CSMD2: variants seen among roughly 807,000 people sequenced by gnomAD.
CSMD2 encodes CUB and sushi domain-containing protein 2.
A neutral mutation model predicts 398.5 loss-of-function variants in CSMD2; 130 were observed. The observed-to-expected ratio is 0.33, with a 90% CI of 0.28 to 0.38. The LOEUF is 0.38. Ranked by LOEUF, CSMD2 falls within the 10% of genes least tolerant of loss-of-function variation. The probability of loss-of-function intolerance (pLI) is 1.00; values close to 1 mark genes in which losing one functional copy is unlikely to be tolerated. For synonymous variants in CSMD2, 1,828 were observed against 1,908.5 expected (o/e 0.96, Z 1.10); for missense variants, 3,829 against 4,764.9 (o/e 0.80, Z 5.78).
chr1:34,033,338 T>C (rs1478782742), intron 2 of CSMD2, among the ~76,000 whole-genome samples: 1 of 152,226 alleles, frequency 6.6e-6, no homozygotes, highest in African/African-American at 2.4e-5. Flanking sequence ...AAACTGTGCG[T>C]GCTATTAAAA....
At chr1:34,017,182 G>A (rs1648247504) in intron 3 of CSMD2, among the ~76,000 whole-genome samples, 2 of 152,124 alleles carry the variant, frequency 1.3e-5, no homozygotes, top group South Asian at 4.1e-4. Context: ...TACATCACAA[G>A]GCAGCCTACT....
intron 25 of CSMD2, among the ~76,000 whole-genome samples, chr1:33,680,822 G>A (rs1306976934): frequency 6.7e-6 from 1 of 150,020 alleles, no homozygotes; most frequent in Non-Finnish European, 1.5e-5. Flanking sequence ...AACCTTTATT[G>A]TGTTAAACCA....
chr1:34,103,262 G>A (rs896013339), intron 1 of CSMD2, among the ~76,000 whole-genome samples: 3 of 148,798 alleles, frequency 2.0e-5, no homozygotes, highest in African/African-American at 5.0e-5. Context: ...TGTTTATGTG[G>A]CTGTCTCTAC....
At chr1:34,111,764 C>T (rs1002576735) in intron 1 of CSMD2, among the ~76,000 whole-genome samples, 2 of 152,108 alleles carry the variant, frequency 1.3e-5, no homozygotes, top group Non-Finnish European at 2.9e-5. Context: ...TACCACCTCA[C>T]TGGTATGAAA....
Position 33,846,992 on chromosome 1 carries a change from T to C in CSMD2, c.925A>G (p.Thr309Ala). 4 of 1,608,270 alleles carry C rather than the reference T, an allele frequency of 2.5e-6. No individual in the cohort carries two copies. The highest frequency in any genetic ancestry group is 3.4e-6 in the Non-Finnish European group (4 of 1,176,962). The change falls in exon 6 of 71, where the codon ACC becomes GCC. Residue 309 changes from threonine to alanine, a missense_variant. Coordinates refer to ENST00000373381, the MANE Select transcript of CSMD2 (RefSeq NM_001281956.2). ...TGTEGSSLWF[T>A]GASLPAPVIS... is the part of the protein sequence containing the mutation. ...ACGGGGGCTGGGAGGCTGGCTCCGG[T>C]GAACCTGTGGGAACAGGAAGCAGAT...
chr1:33,911,679 G>A (rs1643450940), intron 5 of CSMD2, among the ~76,000 whole-genome samples: 1 of 152,220 alleles, frequency 6.6e-6, no homozygotes, highest in Non-Finnish European at 1.5e-5. Flanking sequence ...AGAGTAGGTT[G>A]AGCCTGCTTC....
intron 1 of CSMD2, among the ~76,000 whole-genome samples, chr1:34,094,259 T>C (rs1043865559): frequency 4.0e-5 from 6 of 150,342 alleles, no homozygotes; most frequent in East Asian, 2.0e-4. Flanking sequence ...CTGAAGGAAG[T>C]GCTAAACATG....
intron 53 of CSMD2, among the ~76,000 whole-genome samples, chr1:33,565,704 T>C (rs1017016442): frequency 6.6e-6 from 1 of 151,972 alleles, no homozygotes; most frequent in African/African-American, 2.4e-5. Flanking sequence ...AAACAAAACA[T>C]GTGAAGCGTA....
At chr1:33,922,891 C>T (rs1008815263) in intron 4 of CSMD2, among the ~76,000 whole-genome samples, 1 of 152,178 alleles carries the variant, frequency 6.6e-6, no homozygotes, top group Non-Finnish European at 1.5e-5. Flanking sequence ...CTCCTCCAGC[C>T]CATCCATTCT....
chr1:33,904,671 GT>G (rs771905439), intron 5 of CSMD2, among the ~76,000 whole-genome samples: 7 of 152,090 alleles, frequency 4.6e-5, no homozygotes, highest in Non-Finnish European at 7.4e-5. Context: ...GTTTTGTTTT[GT>G]TTTGTTTTTT....
Position 33,540,676 on chromosome 1 carries a change from C to A in CSMD2, c.9480G>T (p.Pro3160=), listed in dbSNP as rs143264756. The A allele has an allele frequency of 1.6e-5, 26 of 1,614,044 alleles. No homozygotes were observed. The highest frequency in any genetic ancestry group is 2.7e-5 in the African/African-American group (2 of 74,914). Residue 3160 remains proline (P), a synonymous_variant, in exon 60 of 71, where the codon CCG becomes CCT. Coordinates refer to ENST00000373381, the MANE Select transcript of CSMD2 (RefSeq NM_001281956.2). The stretch of plus-strand genomic sequence containing the variant: ...CCACCACCTTCCCATTGGGGATGAG[C>A]GGAGGTGGCTTGCACATGAGAGCTG... The part of the protein sequence containing the change: ...VCKALMCKPP[P]LIPNGKVVGS...
At chr1:34,071,982 A>G (rs1372325635) in intron 2 of CSMD2, among the ~76,000 whole-genome samples, 2 of 152,220 alleles carry the variant, frequency 1.3e-5, no homozygotes, top group Admixed American at 6.5e-5. Flanking sequence ...GAAAACGCAG[A>G]TGGCCCTGAG....
At chr1:33,549,186 GCACA>G (rs1657185501) in intron 56 of CSMD2, among the ~76,000 whole-genome samples, 1 of 152,222 alleles carries the variant, frequency 6.6e-6, no homozygotes, top group Non-Finnish European at 1.5e-5. Flanking sequence ...AAGAACAGTG[GCACA>G]TCTTATGGGT....
At chr1:33,942,524 G>C (rs894959846) in intron 3 of CSMD2, among the ~76,000 whole-genome samples, 5 of 152,228 alleles carry the variant, frequency 3.3e-5, no homozygotes, top group African/African-American at 1.2e-4. Flanking sequence ...CCTAACCATT[G>C]TCAGGCAGAA....
chr1:33,970,055 G>A (rs944251198), intron 3 of CSMD2, among the ~76,000 whole-genome samples: 9 of 149,998 alleles, frequency 6.0e-5, no homozygotes, highest in East Asian at 4.0e-4. Context: ...GCAGTAAGCC[G>A]AGATCACGCC....
chr1:33,677,223 C>T (rs1212079185), intron 25 of CSMD2, among the ~76,000 whole-genome samples: 3 of 152,078 alleles, frequency 2.0e-5, no homozygotes, highest in African/African-American at 4.8e-5. Context: ...TGACAAAGGG[C>T]TAACATCCAG....
intron 3 of CSMD2, among the ~76,000 whole-genome samples, chr1:33,960,100 GC>G (rs1333630030): frequency 6.6e-6 from 1 of 152,124 alleles, no homozygotes; most frequent in Non-Finnish European, 1.5e-5. Context: ...CCCTGCTCCT[GC>G]CCCCAGCCCA....
chr1:34,031,835 G>A (rs568720606), intron 3 of CSMD2, among the ~76,000 whole-genome samples: 9 of 135,168 alleles, frequency 6.7e-5, no homozygotes, highest in Non-Finnish European at 1.1e-4. Context: ...TGTCATTACT[G>A]TTATTAATTA....
intron 1 of CSMD2, among the ~76,000 whole-genome samples, chr1:34,108,411 A>C (rs114095172): frequency 1.9e-4 from 29 of 152,226 alleles, no homozygotes; most frequent in African/African-American, 7.0e-4. Context: ...CTGCCCCTCT[A>C]TCTATGGAAT....
Sources: allele counts gnomAD v4.1 joint callset (sites outside exome capture counted in the v4.1 genomes callset), GRCh38; gene constraint gnomAD v4.1.1; transcripts MANE v1.5; gene names NCBI Gene and HGNC (gene_info 2026-07-23, HGNC 2026-07-21).